Variants in MTMR3 observed in about 807,000 individuals in gnomAD.
MTMR3 encodes the protein myotubularin related protein 3.
MTMR3 carries 32 observed loss-of-function variants against 132.4 expected under a neutral mutation model. The ratio of observed to expected loss-of-function variants is 0.24; its 90% CI spans 0.18 to 0.32. MTMR3 has a LOEUF of 0.32. Ranked by LOEUF, MTMR3 falls within the 10% of genes least tolerant of loss-of-function variation. The pLI is 1.00. For synonymous variants in MTMR3, 556 were observed against 550.3 expected, an observed-to-expected ratio of 1.01 and a Z score of -0.14; for missense variants, 1,216 against 1,489.6, an observed-to-expected ratio of 0.82 and a Z score of 3.02.
chr22:29,913,241 C>T (rs867799467), intron 1 of MTMR3, among the ~76,000 whole-genome samples: 1 of 152,030 alleles, frequency 6.6e-6, no homozygotes, highest in Non-Finnish European at 1.5e-5. Context: ...GCGAGACTCC[C>T]ATCTCAAAAC....
chr22:29,898,939 G>T (rs1295390786), intron 1 of MTMR3, among the ~76,000 whole-genome samples: 10 of 144,238 alleles, frequency 6.9e-5, no homozygotes, highest in Non-Finnish European at 1.2e-4. Flanking sequence ...ATGAAAGTAA[G>T]TAGTAGTAAT....
At chr22:29,949,128 CA>C (rs2066011090) in intron 1 of MTMR3, among the ~76,000 whole-genome samples, 4 of 39,898 alleles carry the variant, frequency 1.0e-4, no homozygotes, top group Non-Finnish European at 1.6e-4. Flanking sequence ...CACACACACA[CA>C]CACACACACA....
At chr22:29,921,657 G>T (rs912153918) in intron 1 of MTMR3, among the ~76,000 whole-genome samples, 15 of 152,048 alleles carry the variant, frequency 9.9e-5, no homozygotes, top group African/African-American at 3.6e-4. Context: ...TTGAAACTCT[G>T]TACTTACTAA....
intron 5 of MTMR3, chr22:29,986,498 G>GT (rs1216890571): frequency 6.3e-5 from 47 of 746,076 alleles, no homozygotes; most frequent in African/African-American, 6.2e-4. Flanking sequence ...TTGTAGGTTT[G>GT]TTTGTTTTTT....
chr22:29,905,421 A>T (rs1391057381), intron 1 of MTMR3, among the ~76,000 whole-genome samples: 1 of 152,210 alleles, frequency 6.6e-6, no homozygotes, highest in Non-Finnish European at 1.5e-5. Flanking sequence ...AAAATTTCAT[A>T]GTTGATACTT....
chr22:29,926,515 A>G (rs2065520785), intron 1 of MTMR3, among the ~76,000 whole-genome samples: 1 of 152,236 alleles, frequency 6.6e-6, no homozygotes, highest in Non-Finnish European at 1.5e-5. Flanking sequence ...AGCAATTATT[A>G]GGATTTTAAT....
intron 1 of MTMR3, among the ~76,000 whole-genome samples, chr22:29,894,391 T>C (rs2145711248): frequency 6.6e-6 from 1 of 152,212 alleles, no homozygotes; most frequent in Admixed American, 6.5e-5. Context: ...AGCCATCTAG[T>C]TTTTTTCTTC....
chr22:29,953,354 T>G (rs1448069489), intron 1 of MTMR3, among the ~76,000 whole-genome samples: 4 of 152,210 alleles, frequency 2.6e-5, no homozygotes, highest in African/African-American at 4.8e-5. Flanking sequence ...GGGGTTCTTT[T>G]ATTATATAAA....
At chr22:30,016,833 C>A (rs1439750400) in intron 15 of MTMR3, 135 bp downstream of exon 15, 8 of 1,053,168 alleles carry the variant, frequency 7.6e-6, no homozygotes, top group African/African-American at 1.6e-5. Context: ...TTCCATTTTT[C>A]CCCCATGATT....
At chr22:29,955,061 C>T (rs888785811) in intron 1 of MTMR3, among the ~76,000 whole-genome samples, 2 of 152,170 alleles carry the variant, frequency 1.3e-5, no homozygotes, top group African/African-American at 4.8e-5. Context: ...ACCATTGTGG[C>T]TCACTGCAGC....
At chr22:29,991,276 T>C in intron 6 of MTMR3, 1 of 349,358 alleles carries the variant, frequency 2.9e-6, no homozygotes, top group Non-Finnish European at 5.1e-6. Flanking sequence ...TCTAAAAAAA[T>C]AGGTTTTCCA....
Position 30,020,539 on chromosome 22 carries a change from T to G in MTMR3, c.2880T>G (p.Asn960Lys). Residue 960 changes from asparagine (N) to lysine (K), a missense_variant, in exon 17 of 20, where the codon AAT becomes AAG. Physicochemically the swap from Asn to Lys is moderately conservative, Grantham distance 94. This residue lies in a region of MTMR3 where 852 missense variants were observed against 852.0 expected (regional missense o/e 1.00). Transcript: ENST00000401950. ...MYPTPNGHCA[N>K]GEAGRSKDSL... ...CCACACCCAATGGGCATTGCGCCAA[T>G]GGGGAGGCTGGTAGGAGCAAGGACT... 1.2e-6 allele frequency: 2 copies of G among 1,614,082 alleles called. No homozygotes were observed. The highest frequency in any genetic ancestry group is 1.7e-5 in the Admixed American group (1 of 60,014).
intron 1 of MTMR3, among the ~76,000 whole-genome samples, chr22:29,902,913 A>G (rs1323615176): frequency 6.6e-6 from 1 of 152,102 alleles, no homozygotes; most frequent in Non-Finnish European, 1.5e-5. Context: ...AATAGATGAG[A>G]CCTTTTTACC....
At chr22:30,011,941 T>A (rs2067440009) in intron 12 of MTMR3, 1 of 157,610 alleles carries the variant, frequency 6.3e-6, no homozygotes, top group African/African-American at 2.4e-5. Flanking sequence ...TTTTCTTTTC[T>A]TTTCTTTTTT....
intron 1 of MTMR3, among the ~76,000 whole-genome samples, chr22:29,919,397 A>G (rs148804988): frequency 1.5e-4 from 23 of 152,360 alleles, no homozygotes; most frequent in African/African-American, 5.5e-4. Context: ...AGCAAAAGCT[A>G]GCTGAGAAAG....
intron 1 of MTMR3, among the ~76,000 whole-genome samples, chr22:29,898,040 A>G (rs1302656639): frequency 1.3e-5 from 2 of 152,036 alleles, no homozygotes; most frequent in African/African-American, 2.4e-5. Flanking sequence ...CAGAGGCACA[A>G]TCTTGGCTCA....
chr22:29,999,106 T>C (rs1236489871), intron 8 of MTMR3: 3 of 249,656 alleles, frequency 1.2e-5, no homozygotes, highest in South Asian at 8.7e-5. Context: ...CCTCTGTTTT[T>C]TCTGGTACAT....
At chr22:29,968,023 T>C (rs2066463554) in intron 2 of MTMR3, among the ~76,000 whole-genome samples, 1 of 152,156 alleles carries the variant, frequency 6.6e-6, no homozygotes. Context: ...TTTGCACTTT[T>C]GGCCATCATG....
intron 1 of MTMR3, among the ~76,000 whole-genome samples, chr22:29,956,540 C>T (rs961205787): frequency 1.1e-4 from 17 of 152,204 alleles, no homozygotes; most frequent in Admixed American, 3.3e-4. Context: ...AGCTACCGTG[C>T]CTGGCTGAAT....
Sources: allele counts gnomAD v4.1 joint callset (sites outside exome capture counted in the v4.1 genomes callset), GRCh38; gene constraint gnomAD v4.1.1; regional missense constraint gnomAD v4.1.1; transcripts MANE v1.5; gene names NCBI Gene and HGNC (gene_info 2026-07-23, HGNC 2026-07-21).